MCC: variants seen among roughly 807,000 people sequenced by gnomAD.
MCC encodes colorectal mutant cancer protein.
Under a neutral mutation model 116.2 loss-of-function variants are expected in MCC, and 90 were observed. The ratio of observed to expected loss-of-function variants is 0.77; its 90% CI spans 0.65 to 0.92. The LOEUF (loss-of-function observed/expected upper bound fraction) is 0.92. Among genes scored for constraint, MCC ranks in the 40% least tolerant of loss-of-function variants. The pLI is 0.00. For synonymous variants in MCC, 578 were observed against 510.5 expected (o/e 1.13, Z -1.78); for missense variants, 1,516 against 1,312.2 (o/e 1.16, Z -2.40).
intron 16 of MCC, 135 bp from the exon 17 acceptor site, chr5:113,043,765 G>T: frequency 1.6e-6 from 1 of 617,756 alleles, no homozygotes; most frequent in Non-Finnish European, 2.9e-6. Flanking sequence ...CTCAGGTCAT[G>T]CCAAAGGGGA....
intron 4 of MCC, among the ~76,000 whole-genome samples, chr5:113,150,340 T>C (rs1384513311): frequency 6.6e-6 from 1 of 152,078 alleles, no homozygotes; most frequent in African/African-American, 2.4e-5. Flanking sequence ...AATACTGACG[T>C]CAAATCCCAT....
chr5:113,387,826 C>T (rs1308855456), intron 1 of MCC, among the ~76,000 whole-genome samples: 1 of 152,158 alleles, frequency 6.6e-6, no homozygotes, highest in African/African-American at 2.4e-5. Flanking sequence ...ATATTAAGTA[C>T]TCAATAAACA....
chr5:113,425,779 T>C (rs1770465388), intron 1 of MCC, among the ~76,000 whole-genome samples: 9 of 152,004 alleles, frequency 5.9e-5, no homozygotes, highest in Admixed American at 4.6e-4. Context: ...GAGTGTTGTT[T>C]TTCATTAGGG....
intron 3 of MCC, among the ~76,000 whole-genome samples, chr5:113,286,358 T>G (rs545919347): frequency 6.6e-6 from 1 of 152,232 alleles, no homozygotes; most frequent in Non-Finnish European, 1.5e-5. Flanking sequence ...TGCAAGGCCA[T>G]CTTTTCCCTA....
intron 1 of MCC, among the ~76,000 whole-genome samples, chr5:113,443,481 C>G (rs1457642771): frequency 1.3e-5 from 2 of 152,198 alleles, no homozygotes; most frequent in East Asian, 1.9e-4. Context: ...ATTTGAATAC[C>G]TTTTTTTCTT....
At chr5:113,099,025 C>T (rs1756226940) in intron 8 of MCC, among the ~76,000 whole-genome samples, 1 of 152,072 alleles carries the variant, frequency 6.6e-6, no homozygotes, top group African/African-American at 2.4e-5. Context: ...GGAAATAAAG[C>T]ACACTAGGTG....
intron 3 of MCC, among the ~76,000 whole-genome samples, chr5:113,270,466 C>CA (rs1324464691): frequency 4.6e-5 from 7 of 151,216 alleles, no homozygotes; most frequent in Non-Finnish European, 8.8e-5. Flanking sequence ...GAGAACCATA[C>CA]AAAATAAAGA....
At chr5:113,173,844 T>C (rs1187621467) in intron 3 of MCC, among the ~76,000 whole-genome samples, 1 of 152,172 alleles carries the variant, frequency 6.6e-6, no homozygotes, top group East Asian at 1.9e-4. Context: ...AACAGCACCA[T>C]AACCCTGAAT....
chr5:113,056,407 G>T (rs148122920), intron 14 of MCC, among the ~76,000 whole-genome samples: 1 of 152,272 alleles, frequency 6.6e-6, no homozygotes, highest in Non-Finnish European at 1.5e-5. Context: ...AAAAGAATGA[G>T]GTCATGTCAT....
chr5:113,483,611 A>T (rs1337943678), intron 1 of MCC, among the ~76,000 whole-genome samples: 1 of 152,186 alleles, frequency 6.6e-6, no homozygotes, highest in African/African-American at 2.4e-5. Flanking sequence ...TTTAAAGAAA[A>T]AATATCTTTA....
intron 3 of MCC, among the ~76,000 whole-genome samples, chr5:113,291,921 C>T (rs1021667531): frequency 2.6e-5 from 4 of 152,130 alleles, no homozygotes; most frequent in Non-Finnish European, 5.9e-5. Context: ...TTAGGGTCCA[C>T]AAGGTATGAA....
chr5:113,181,220 GA>G, intron 3 of MCC, among the ~76,000 whole-genome samples: 1 of 152,314 alleles, frequency 6.6e-6, no homozygotes, highest in South Asian at 2.1e-4. Context: ...GCTGCTTACA[GA>G]AAGCCTGGAT....
intron 15 of MCC, among the ~76,000 whole-genome samples, chr5:113,049,669 C>T (rs1752358568): frequency 6.6e-6 from 1 of 152,246 alleles, no homozygotes; most frequent in South Asian, 2.1e-4. Flanking sequence ...CTGAGCTGCA[C>T]CTGCCAGAGG....
chr5:113,275,269 A>C (rs1414524042), intron 3 of MCC, among the ~76,000 whole-genome samples: 1 of 152,256 alleles, frequency 6.6e-6, no homozygotes, highest in Non-Finnish European at 1.5e-5. Context: ...TTGCCAAACC[A>C]GTAGGTAAAA....
At chr5:113,146,447 G>A (rs536931011) in intron 4 of MCC, among the ~76,000 whole-genome samples, 1 of 151,126 alleles carries the variant, frequency 6.6e-6, no homozygotes, top group Non-Finnish European at 1.5e-5. Context: ...CTGGTGCCTT[G>A]GTCTCAGACC....
intron 1 of MCC, among the ~76,000 whole-genome samples, chr5:113,463,977 T>TC (rs1317705402): frequency 2.0e-5 from 3 of 151,974 alleles, no homozygotes. Context: ...GACTGTGGGG[T>TC]CTTGGCAGCC....
intron 3 of MCC, among the ~76,000 whole-genome samples, chr5:113,172,409 T>C (rs1280850900): frequency 1.3e-5 from 2 of 152,254 alleles, no homozygotes; most frequent in Non-Finnish European, 2.9e-5. Flanking sequence ...CCCTTCTCAC[T>C]GTACTTGGTC....
rs1581193239 is a variant in MCC at position 113,169,268 on chromosome 5, A to G, written c.628-17846T>C. Among the ~76,000 whole-genome samples, 4 of 152,302 alleles carry G rather than the reference A, an allele frequency of 2.6e-5. 1 individual carries two copies. The South Asian group carries it at 6.2e-4, about 24-fold the overall frequency. On this transcript the variant is annotated intron_variant, in intron 3 of 18. Transcript: ENST00000408903. ...ATACATGGAGATAACCATTAATTCT[A>G]AAGGAAGCCAAGAAACCCAGAAGGA... is the stretch of plus-strand genomic sequence containing the variant.
In MCC at chr5:113,443,991, T is replaced by TTGTGTGTGTG. The variant is rs34145955; in HGVS notation, c.170+44244_170+44253dup. 7.3e-3 allele frequency among the ~76,000 whole-genome samples: 1,048 copies of TTGTGTGTGTG among 144,064 alleles called. 7 individuals are homozygous for TTGTGTGTGTG. Among genetic ancestry groups the TTGTGTGTGTG allele is most frequent in the African/African-American group, 0.013 (507 of 38,042 alleles). 94.5% of individuals were successfully genotyped at this position (144,064 alleles called of 152,430 possible). On this transcript the variant is annotated intron_variant, in intron 1 of 18. Coordinates refer to ENST00000408903, the MANE Select transcript of MCC (RefSeq NM_001085377.2). The stretch of plus-strand genomic sequence containing the variant: ...GGGCCCACCACCATGCTCGGCTAAT[T>TTGTGTGTGTG]TGTGTGTGTGTGTGTGTGTGTGTGT...
Sources: allele counts gnomAD v4.1 joint callset (sites outside exome capture counted in the v4.1 genomes callset), GRCh38; gene constraint gnomAD v4.1.1; transcripts MANE v1.5; gene names NCBI Gene and HGNC (gene_info 2026-07-23, HGNC 2026-07-21).